Variants in COL13A1 observed in about 807,000 individuals in gnomAD.
The protein encoded by COL13A1 is collagen alpha-1(XIII) chain.
COL13A1 carries 89 observed loss-of-function variants against 130.9 expected under a neutral mutation model. The ratio of observed to expected loss-of-function variants is 0.68; its 90% confidence interval spans 0.57 to 0.81. COL13A1 has a LOEUF of 0.81. Ranked by LOEUF, COL13A1 falls within the 30% of genes least tolerant of loss-of-function variation. COL13A1 has a pLI of 0.00. For synonymous variants in COL13A1, 402 were observed against 341.6 expected (o/e 1.18, Z -1.95); for missense variants, 879 against 934.6 (o/e 0.94, Z 0.78).
At chr10:69,949,911 G>A (rs1361958557) in intron 38 of COL13A1, among the ~76,000 whole-genome samples, 3 of 101,724 alleles carry the variant, frequency 2.9e-5, no homozygotes, top group South Asian at 6.1e-4. Flanking sequence ...CTTTGGGGGG[G>A]TGGGGGGTGC....
chr10:69,882,520 G>A (rs772331355), intron 7 of COL13A1, among the ~76,000 whole-genome samples: 1 of 152,192 alleles, frequency 6.6e-6, no homozygotes, highest in Non-Finnish European at 1.5e-5. Flanking sequence ...CACATAATAG[G>A]TCTCCTTCAC....
chr10:69,925,934 T>C (rs1358026239), intron 26 of COL13A1, 62 bp downstream of exon 26: 3 of 1,392,394 alleles, frequency 2.2e-6, no homozygotes, highest in Admixed American at 2.0e-5. Flanking sequence ...CACCATGCCC[T>C]GATCAGGGGG....
chr10:69,955,872 G>C (rs2070575928), intron 39 of COL13A1: 1 of 152,126 alleles, frequency 6.6e-6, no homozygotes, highest in African/African-American at 2.4e-5. Flanking sequence ...GTTATTATGG[G>C]CTTGAGGGGC....
chr10:69,880,338 C>G (rs1295626386), intron 6 of COL13A1, among the ~76,000 whole-genome samples, 165 bp from the exon 7 acceptor site: 1 of 152,148 alleles, frequency 6.6e-6, no homozygotes. Flanking sequence ...TGCTGATCCC[C>G]TCGTGGCCCT....
intron 13 of COL13A1, 49 bp downstream of exon 13, chr10:69,895,625 G>A (rs771010469): frequency 1.9e-6 from 3 of 1,603,084 alleles, no homozygotes; most frequent in South Asian, 2.2e-5. Context: ...CATCCCTGGG[G>A]CACAGCGCCC....
intron 2 of COL13A1, among the ~76,000 whole-genome samples, chr10:69,855,692 G>A (rs963354924): frequency 6.6e-6 from 1 of 152,138 alleles, no homozygotes; most frequent in South Asian, 2.1e-4. Context: ...CCTGAGGAAA[G>A]CAGCCTCCTA....
chr10:69,841,464 T>G (rs1205977349), intron 2 of COL13A1, among the ~76,000 whole-genome samples: 1 of 152,192 alleles, frequency 6.6e-6, no homozygotes, highest in Non-Finnish European at 1.5e-5. Context: ...TCATTTAAGG[T>G]GTCAGGCTCA....
In COL13A1 at chr10:69,851,903, C is replaced by T. The variant is rs371550953; in HGVS notation, c.365-15895C>T. On this transcript the variant is annotated intron_variant, in intron 2 of 40. Transcript: ENST00000645393. ...CTTCTGACCTCAGGTGATCCACCCGCCTCAGCCTCCCAAAGTGCTGGGATT... is the reference window on the plus strand; with the variant it reads ...CTTCTGACCTCAGGTGATCCACCCGTCTCAGCCTCCCAAAGTGCTGGGATT... Among the ~76,000 whole-genome samples the T allele has an allele frequency of 7.8e-4, 119 of 152,342 alleles. 1 individual carries two copies. The highest frequency in any genetic ancestry group is 2.5e-3 in the African/African-American group (103 of 41,576).
rs2071113615 is a variant in COL13A1 at position 69,957,982 on chromosome 10, C to T, written c.2185-717C>T. On this transcript the variant is annotated intron_variant, in intron 40 of 40. Transcript: ENST00000645393. ...ACTTACAATGAGATGAACAAGCTCC[C>T]CTGTACTAAGATGCCAGAATCTCAC... Among the ~76,000 whole-genome samples, 4 of 152,166 alleles carry T rather than the reference C, an allele frequency of 2.6e-5. No homozygotes were observed. The South Asian group carries it at 8.3e-4, about 32-fold the overall frequency.
chr10:69,911,271 G>A (rs1339644844), intron 17 of COL13A1, among the ~76,000 whole-genome samples: 1 of 152,260 alleles, frequency 6.6e-6, no homozygotes, highest in Non-Finnish European at 1.5e-5. Context: ...GGCCCGTGTG[G>A]TGGACACACT....
chr10:69,804,604 G>A (rs1840944871), intron 1 of COL13A1, among the ~76,000 whole-genome samples: 1 of 150,730 alleles, frequency 6.6e-6, no homozygotes, highest in South Asian at 2.1e-4. Flanking sequence ...TAGAACCTCA[G>A]CCTCCTGGCC....
rs144007854 is a variant in COL13A1 at position 69,913,992 on chromosome 10, C to T, written c.922-3297C>T. 2.8e-3 allele frequency among the ~76,000 whole-genome samples: 419 copies of T among 152,286 alleles called. 1 individual carries two copies. The highest frequency in any genetic ancestry group is 8.3e-3 in the African/African-American group (343 of 41,550). On this transcript the variant is annotated intron_variant, in intron 17 of 40. Transcript: ENST00000645393. ...CACCCTAACAAGGAGGGCTGCCTCC[C>T]GAGGAGGCTCCTGGGGCTCTGATTT...
In COL13A1 at chr10:69,868,945, C is replaced by T. The variant is rs1589184941; in HGVS notation, c.372+1140C>T. On this transcript the variant is annotated intron_variant, in intron 3 of 40. Transcript: ENST00000645393. Reference sequence around the variant, plus strand: ...GCTTTCACCTGTGGGAAATGTGCTGCTTTTCCCTGTCTCATTCTGAGGAAG... The same window carrying T: ...GCTTTCACCTGTGGGAAATGTGCTGTTTTTCCCTGTCTCATTCTGAGGAAG... Among the ~76,000 whole-genome samples, 6 of 152,322 alleles carry T rather than the reference C, an allele frequency of 3.9e-5. 1 individual carries two copies. The highest frequency in any genetic ancestry group is 3.9e-4 in the Admixed American group (6 of 15,302).
intron 37 of COL13A1, 112 bp downstream of exon 37, chr10:69,945,836 G>T: frequency 2.3e-6 from 3 of 1,316,318 alleles, no homozygotes; most frequent in Non-Finnish European, 3.2e-6. Flanking sequence ...ACTTTGGGAG[G>T]CCGAGGCGGG....
intron 9 of COL13A1, among the ~76,000 whole-genome samples, chr10:69,888,925 C>A (rs1015401087): frequency 6.6e-6 from 1 of 152,174 alleles, no homozygotes. Context: ...CATGACCCAT[C>A]CAAAGCCCTC....
chr10:69,887,336 T>C, intron 7 of COL13A1, 120 bp from the exon 8 acceptor site: 1 of 968,916 alleles, frequency 1.0e-6, no homozygotes, highest in Non-Finnish European at 1.6e-6. Context: ...ACAGTGAGTG[T>C]CCCCCAAGGA....
At chr10:69,856,440 C>T (rs1290225554) in intron 2 of COL13A1, among the ~76,000 whole-genome samples, 1 of 152,164 alleles carries the variant, frequency 6.6e-6, no homozygotes, top group African/African-American at 2.4e-5. Context: ...CACCTAATCT[C>T]CCTCAACTCT....
intron 1 of COL13A1, among the ~76,000 whole-genome samples, chr10:69,820,270 C>T (rs751630212): frequency 3.9e-5 from 6 of 152,246 alleles, no homozygotes; most frequent in Non-Finnish European, 5.9e-5. Context: ...GGAGCAGGGG[C>T]ACCACCCACT....
chr10:69,834,436 G>A (rs1050919135), intron 2 of COL13A1, among the ~76,000 whole-genome samples: 1 of 152,178 alleles, frequency 6.6e-6, no homozygotes, highest in Admixed American at 6.5e-5. Flanking sequence ...ACTAGGTGTG[G>A]GCCAAGGAGG....
Sources: allele counts gnomAD v4.1 joint callset (sites outside exome capture counted in the v4.1 genomes callset), GRCh38; gene constraint gnomAD v4.1.1; transcripts MANE v1.5; gene names NCBI Gene and HGNC (gene_info 2026-07-23, HGNC 2026-07-21).